The following ATL3 variants were observed in gnomAD, a reference collection of about 807,000 sequenced individuals.
ATL3 encodes the protein atlastin GTPase 3, also known as atlastin-3.
ATL3 carries 49 observed loss-of-function variants against 69.5 expected under a neutral mutation model. That is an observed-to-expected ratio of 0.71 (90% CI 0.56 to 0.89). The LOEUF (loss-of-function observed/expected upper bound fraction) is 0.89. Ranked by LOEUF, ATL3 falls within the 40% of genes least tolerant of loss-of-function variation. ATL3 has a pLI of 0.00. For missense variants in ATL3, 606 were observed against 645.7 expected, an observed-to-expected ratio of 0.94 and a Z score of 0.67; for synonymous variants, 214 against 224.1, an observed-to-expected ratio of 0.95 and a Z score of 0.40.
intron 8 of ATL3, among the ~76,000 whole-genome samples, chr11:63,641,216 T>C (rs1939691041): frequency 6.6e-6 from 1 of 152,218 alleles, no homozygotes; most frequent in Non-Finnish European, 1.5e-5. Flanking sequence ...TAGTACATAA[T>C]TATGAGACTA....
intron 8 of ATL3, among the ~76,000 whole-genome samples, chr11:63,639,511 C>T (rs932998909): frequency 2.6e-5 from 4 of 152,138 alleles, no homozygotes; most frequent in African/African-American, 9.7e-5. Flanking sequence ...CTTTGAGAAG[C>T]TGAAGTGGAA....
chr11:63,646,210 C>T (rs1032295521), intron 6 of ATL3, among the ~76,000 whole-genome samples: 2 of 152,084 alleles, frequency 1.3e-5, no homozygotes, highest in Non-Finnish European at 2.9e-5. Flanking sequence ...ACTTTTTAAG[C>T]GATTACTCTG....
At position 63,629,727 on chromosome 11, in the gene ATL3, A is replaced by G. The variant is rs538201301; in HGVS notation, c.1540-322T>C. Reference sequence around the variant, plus strand: ...AAAACTTGTGACCATGTCAATGTCCAAGAGCTACTGGGTTAGTCAGGTGTG... The same window carrying G: ...AAAACTTGTGACCATGTCAATGTCCGAGAGCTACTGGGTTAGTCAGGTGTG... On this transcript the variant is annotated intron_variant, in intron 12 of 12. Coordinates refer to ENST00000398868, the MANE Select transcript of ATL3 (RefSeq NM_015459.5). 4.9e-4 allele frequency among the ~76,000 whole-genome samples: 74 copies of G among 152,338 alleles called. No homozygotes were observed. In the South Asian group the frequency reaches 0.014, roughly 29 times the overall value.
chr11:63,640,069 C>T, intron 8 of ATL3, among the ~76,000 whole-genome samples: 1 of 152,020 alleles, frequency 6.6e-6, no homozygotes, highest in East Asian at 1.9e-4. Context: ...GCTGGGATTA[C>T]AGGCATGTGT....
chr11:63,658,794 T>G lies in ATL3; in HGVS notation c.372A>C (p.Glu124Asp). ...PETTGIQIWSEVFTVEKPGGK... is the reference protein window; with the variant it reads ...PETTGIQIWSDVFTVEKPGGK... ...CACCTGGCTTCTCCACAGTGAAAAC[T>G]TCACTCCAGATTTGAATCCCAGTGG... The change falls in exon 3 of 13, where the codon GAA becomes GAC. Residue 124 changes from glutamate (E) to aspartate (D), a missense_variant. Physicochemically the swap from Glu to Asp is conservative, Grantham distance 45 (BLOSUM62 2). Coordinates refer to ENST00000398868, the MANE Select transcript of ATL3 (RefSeq NM_015459.5). The G allele has an allele frequency of 1.2e-6, 2 of 1,610,280 alleles. No individual in the cohort carries two copies. Among genetic ancestry groups the G allele is most frequent in the African/African-American group, 2.7e-5 (2 of 74,890 alleles).
chr11:63,636,403 A>G (rs970175429), intron 8 of ATL3, 69 bp from the exon 9 acceptor site: 7 of 1,590,828 alleles, frequency 4.4e-6, no homozygotes, highest in Non-Finnish European at 6.0e-6. Flanking sequence ...TGAACACACA[A>G]TGCAGTCTTC....
At chr11:63,651,174 A>G (rs1338981463) in intron 5 of ATL3, among the ~76,000 whole-genome samples, 2 of 152,078 alleles carry the variant, frequency 1.3e-5, no homozygotes, top group Admixed American at 1.3e-4. Flanking sequence ...GAGAAGAAAA[A>G]GGCCGGGCGC....
At chr11:63,636,448 TGAGA>T (rs1939520206) in intron 8 of ATL3, 114 bp from the exon 9 acceptor site, 6 of 1,435,544 alleles carry the variant, frequency 4.2e-6, no homozygotes, top group Middle Eastern at 1.8e-4. Context: ...TTGTTAAAAG[TGAGA>T]GAGAAGCCGG....
rs1156712882 is a variant in ATL3, at chr11:63,624,759, T to G, written c.*4560A>C. 6.6e-6 allele frequency: 1 copy of G among 152,218 alleles called. No homozygotes were observed. Among genetic ancestry groups the G allele is most frequent in the African/African-American group, 2.4e-5 (1 of 41,450 alleles). The allele number at this position is 152,218 out of a possible 1,614,324, so 9.4% of individuals were successfully genotyped here. ...GAAAAACAGCTTTAAAGAGCTTAGA[T>G]AATCCTCTGAATTAAAGGCATTCTT... On this transcript the variant is annotated 3_prime_UTR_variant, in exon 13 of 13. Coordinates refer to ENST00000398868, the MANE Select transcript of ATL3 (RefSeq NM_015459.5).
chr11:63,643,289 T>C lies in ATL3; in HGVS notation c.850+68A>G, dbSNP rs1193043072. Reference sequence around the variant, plus strand: ...ATTTTTCTTAAGCATTCACTTGATTTGTAAGTGATTCATTATTTTTAATTC... The same window carrying C: ...ATTTTTCTTAAGCATTCACTTGATTCGTAAGTGATTCATTATTTTTAATTC... On this transcript the variant is annotated intron_variant, in intron 8 of 12. Transcript: ENST00000398868. 15 of 1,449,476 alleles carry C rather than the reference T, an allele frequency of 1.0e-5. No individual in the cohort carries two copies. The East Asian group carries it at 1.2e-4, about 11-fold the overall frequency. 89.8% of individuals were successfully genotyped at this position (1,449,476 alleles called of 1,614,324 possible).
upstream of ATL3, chr11:63,671,722 C>A: frequency 7.9e-7 from 1 of 1,267,448 alleles, no homozygotes. Flanking sequence ...TCATACTGCG[C>A]ACTCATCTGG....
chr11:63,648,543 TGG>T (rs1939964438), intron 5 of ATL3, among the ~76,000 whole-genome samples: 1 of 152,222 alleles, frequency 6.6e-6, no homozygotes, highest in Admixed American at 6.5e-5. Context: ...TTAGCAGGGC[TGG>T]CCGCTCTAAT....
intron 9 of ATL3, 144 bp downstream of exon 9, chr11:63,636,063 A>G (rs1939504920): frequency 2.0e-6 from 2 of 998,276 alleles, no homozygotes; most frequent in African/African-American, 3.3e-5. Context: ...CACTCCTGGA[A>G]GGACACCAAG....
chr11:63,629,733 T>A (rs565259018), intron 12 of ATL3, among the ~76,000 whole-genome samples: 127 of 152,350 alleles, frequency 8.3e-4, no homozygotes, highest in African/African-American at 3.0e-3. Context: ...GTCCAAGAGC[T>A]ACTGGGTTAG....
At chr11:63,665,109 G>GC (rs1441277082) in intron 1 of ATL3, among the ~76,000 whole-genome samples, 1 of 152,160 alleles carries the variant, frequency 6.6e-6, no homozygotes, top group Non-Finnish European at 1.5e-5. Context: ...ACACTGGAAG[G>GC]CCAAGGTGGG....
At chr11:63,671,059 G>A (rs1267009506) in intron 1 of ATL3, among the ~76,000 whole-genome samples, 2 of 152,152 alleles carry the variant, frequency 1.3e-5, no homozygotes, top group East Asian at 3.9e-4. Context: ...CCTGACGGCG[G>A]CCGCCCCCGG....
chr11:63,640,674 G>A (rs1205789727), intron 8 of ATL3, among the ~76,000 whole-genome samples: 1 of 137,188 alleles, frequency 7.3e-6, no homozygotes, highest in Non-Finnish European at 1.5e-5. Flanking sequence ...GCGCAATCTC[G>A]GCTCACTGCA....
rs547600038 is a variant in ATL3 at position 63,629,214 on chromosome 11, C to T, written c.*105G>A. ...GGCCATGTTTTAGCTCTTCCTGGAT[C>T]GTCTCAGATCTGCCATTCCTCTGGA... On this transcript the variant is annotated 3_prime_UTR_variant, in exon 13 of 13. Coordinates refer to ENST00000398868, the MANE Select transcript of ATL3 (RefSeq NM_015459.5). 15 of 838,832 alleles carry T rather than the reference C, an allele frequency of 1.8e-5. No individual in the cohort carries two copies. The highest frequency in any genetic ancestry group is 1.7e-4 in the African/African-American group (10 of 59,162). The allele number at this position is 838,832 out of a possible 1,614,324, so 52.0% of individuals were successfully genotyped here. A position where few individuals can be genotyped will look rare whatever the true frequency, so the allele number is the denominator to read the frequency against.
intron 10 of ATL3, 152 bp from the exon 11 acceptor site, chr11:63,633,249 G>A: frequency 9.6e-6 from 6 of 622,926 alleles, no homozygotes; most frequent in South Asian, 2.6e-5. Flanking sequence ...TGATGAAATA[G>A]AATACACTTT....
Sources: allele counts gnomAD v4.1 joint callset (sites outside exome capture counted in the v4.1 genomes callset), GRCh38; gene constraint gnomAD v4.1.1; transcripts MANE v1.5; gene names NCBI Gene and HGNC (gene_info 2026-07-23, HGNC 2026-07-21).